Variants in UBE3C observed in about 807,000 individuals in gnomAD.
The protein encoded by UBE3C is ubiquitin protein ligase E3C, also known as ubiquitin-protein ligase E3C.
UBE3C carries 42 observed loss-of-function variants against 129.4 expected under a neutral mutation model. That is an observed-to-expected ratio of 0.32 (90% CI 0.25 to 0.42). The LOEUF (loss-of-function observed/expected upper bound fraction) is 0.42. Among genes scored for constraint, UBE3C ranks in the 10% least tolerant of loss-of-function variants. The pLI is 1.00. For synonymous variants in UBE3C, 510 were observed against 492.4 expected (o/e 1.04, Z -0.47); for missense variants, 1,049 against 1,319.1 (o/e 0.80, Z 3.17).
chr7:157,166,515 C>A (rs1808216980), intron 2 of UBE3C, among the ~76,000 whole-genome samples: 1 of 152,072 alleles, frequency 6.6e-6, no homozygotes. Context: ...CCGAGGCAGG[C>A]CGATCACCTG....
At chr7:157,247,423 G>A (rs1796507673) in intron 18 of UBE3C, among the ~76,000 whole-genome samples, 1 of 152,176 alleles carries the variant, frequency 6.6e-6, no homozygotes, top group Non-Finnish European at 1.5e-5. Context: ...CGGGCAGGAT[G>A]GCTCACACCT....
chr7:157,251,848 A>T (rs1796627491), intron 19 of UBE3C, among the ~76,000 whole-genome samples: 1 of 149,278 alleles, frequency 6.7e-6, no homozygotes, highest in South Asian at 2.1e-4. Flanking sequence ...AAAAGTTATT[A>T]GAGGGGCTGG....
At chr7:157,185,091 TTAAA>T (rs1332086598) in intron 9 of UBE3C, among the ~76,000 whole-genome samples, 1 of 152,248 alleles carries the variant, frequency 6.6e-6, no homozygotes, top group African/African-American at 2.4e-5. Flanking sequence ...AAGAAAGTTA[TTAAA>T]TAGTCACCTC....
At chr7:157,210,649 C>T (rs1209616898) in intron 13 of UBE3C, among the ~76,000 whole-genome samples, 1 of 152,180 alleles carries the variant, frequency 6.6e-6, no homozygotes, top group African/African-American at 2.4e-5. Flanking sequence ...CAGCATTTTT[C>T]ATATTATTGT....
chr7:157,192,863 TAA>T (rs35549618), intron 10 of UBE3C: 5,282 of 728,462 alleles, frequency 7.3e-3, no homozygotes, highest in South Asian at 0.013. Flanking sequence ...GACATGAACT[TAA>T]AAAAAAAAAA....
rs559066448 is a variant in UBE3C at position 157,152,706 on chromosome 7, C to T, written c.67-11104C>T. ...AACACTGCCCTGTGGTTTGTTTATC[C>T]GGATGCTGTACGGCCTCTCCCTCGT... On this transcript the variant is annotated intron_variant, in intron 1 of 22. Coordinates refer to ENST00000348165, the MANE Select transcript of UBE3C (RefSeq NM_014671.3). Among the ~76,000 whole-genome samples the T allele has an allele frequency of 5.3e-5, 8 of 152,148 alleles. No homozygotes were observed. In the East Asian group the frequency reaches 5.8e-4, roughly 11 times the overall value.
chr7:157,234,013 AT>A (rs1796090473), intron 18 of UBE3C, among the ~76,000 whole-genome samples: 1 of 152,048 alleles, frequency 6.6e-6, no homozygotes, highest in African/African-American at 2.4e-5. Context: ...TCCATTGCCT[AT>A]TTTTTTATTG....
At chr7:157,229,484 T>G (rs544001653) in intron 17 of UBE3C, among the ~76,000 whole-genome samples, 1 of 152,252 alleles carries the variant, frequency 6.6e-6, no homozygotes, top group South Asian at 2.1e-4. Flanking sequence ...CCGGCTAATT[T>G]TTTTTTGTAT....
Position 157,198,141 on chromosome 7 carries a change from C to T in UBE3C, c.1332-3580C>T, listed in dbSNP as rs1809175488. On this transcript the variant is annotated intron_variant, in intron 10 of 22. Coordinates refer to ENST00000348165, the MANE Select transcript of UBE3C (RefSeq NM_014671.3). ...CAATTCTCCATCATCTAAACTGAAA[C>T]CATTGCTCCACAGTTTAAGCAAAAT... 9 of 1,612,942 alleles carry T rather than the reference C, an allele frequency of 5.6e-6. No individual in the cohort carries two copies. In the Middle Eastern group the frequency reaches 9.7e-4, roughly 174 times the overall value.
rs1435540030 is a variant in UBE3C, at chr7:157,236,402, TA to T, written c.2481+5076del. The stretch of plus-strand genomic sequence containing the variant: ...GGGATGGCATGCCTATAAATCAGAT[TA>T]TTTGATATGATCTTGGTTATATATT... On this transcript the variant is annotated intron_variant, in intron 18 of 22. Coordinates refer to ENST00000348165, the MANE Select transcript of UBE3C (RefSeq NM_014671.3). Among the ~76,000 whole-genome samples, 1,176 of 152,338 alleles carry T rather than the reference TA, an allele frequency of 7.7e-3. 9 individuals are homozygous for T. The highest frequency in any genetic ancestry group is 0.017 in the Middle Eastern group (5 of 294).
At chr7:157,246,109 A>G (rs1182389) in intron 18 of UBE3C, among the ~76,000 whole-genome samples, 75,839 of 151,814 alleles carry the variant, frequency 0.5, 22,031 homozygotes, top group Non-Finnish European at 0.64. Context: ...CTATTTTCTC[A>G]TTTTCTCCAG....
At chr7:157,241,457 C>T (rs1329218511) in intron 18 of UBE3C, among the ~76,000 whole-genome samples, 4 of 152,298 alleles carry the variant, frequency 2.6e-5, no homozygotes, top group South Asian at 2.1e-4. Flanking sequence ...GCCATTGGTT[C>T]GTGCAAAGAT....
intron 9 of UBE3C, among the ~76,000 whole-genome samples, chr7:157,186,499 A>G (rs764715139): frequency 5.3e-5 from 8 of 152,146 alleles, no homozygotes; most frequent in Non-Finnish European, 1.0e-4. Context: ...CCATTAGATG[A>G]TGATAGTTTC....
chr7:157,140,207 T>C (rs943551688), intron 1 of UBE3C, among the ~76,000 whole-genome samples: 8 of 130,336 alleles, frequency 6.1e-5, no homozygotes, highest in Admixed American at 8.5e-5. Context: ...TTCTTTAAAA[T>C]GCTTCACCTA....
chr7:157,255,511 G>A (rs967612463), intron 21 of UBE3C, among the ~76,000 whole-genome samples: 8 of 152,286 alleles, frequency 5.3e-5, no homozygotes, highest in South Asian at 2.1e-4. Context: ...CTAAGGTCAC[G>A]TTGTCCCCAT....
intron 4 of UBE3C, among the ~76,000 whole-genome samples, chr7:157,172,612 A>G (rs1239492131): frequency 6.6e-6 from 1 of 152,194 alleles, no homozygotes; most frequent in African/African-American, 2.4e-5. Context: ...AGGAACTGAG[A>G]GCCAGTCTAG....
At chr7:157,240,397 T>A (rs1267363169) in intron 18 of UBE3C, among the ~76,000 whole-genome samples, 2 of 152,178 alleles carry the variant, frequency 1.3e-5, no homozygotes, top group Admixed American at 6.5e-5. Flanking sequence ...GTGACTCTGA[T>A]GCATGCTGAA....
chr7:157,153,231 T>A (rs1470376296), intron 1 of UBE3C, among the ~76,000 whole-genome samples: 1 of 152,142 alleles, frequency 6.6e-6, no homozygotes. Context: ...TTCAGTTTTG[T>A]ACATATTATT....
intron 1 of UBE3C, among the ~76,000 whole-genome samples, chr7:157,161,162 T>A (rs905664492): frequency 6.6e-6 from 1 of 152,182 alleles, no homozygotes; most frequent in Non-Finnish European, 1.5e-5. Context: ...GTTTGTAGAT[T>A]AGTTAATGTT....
Sources: allele counts gnomAD v4.1 joint callset (sites outside exome capture counted in the v4.1 genomes callset), GRCh38; gene constraint gnomAD v4.1.1; transcripts MANE v1.5; gene names NCBI Gene and HGNC (gene_info 2026-07-23, HGNC 2026-07-21).